SYNE1: variants seen among roughly 807,000 people sequenced by gnomAD.
SYNE1 encodes nesprin-1.
SYNE1 carries 616 observed loss-of-function variants against 1,111.0 expected under a neutral mutation model. The ratio of observed to expected loss-of-function variants is 0.55; its 90% CI spans 0.52 to 0.59. The LOEUF is 0.59. Among genes scored for constraint, SYNE1 ranks in the 20% least tolerant of loss-of-function variants. The probability of loss-of-function intolerance (pLI) is 0.00; values close to 1 mark genes in which losing one functional copy is unlikely to be tolerated. For missense variants in SYNE1, 10,006 were observed against 10,417.0 expected (o/e 0.96, Z 1.72); for synonymous variants, 3,855 against 3,825.8 (o/e 1.01, Z -0.28).
Position 152,299,083 on chromosome 6 carries a change from T to G in SYNE1, c.17682+1558A>C, listed in dbSNP as rs567068322. On this transcript the variant is annotated intron_variant, in intron 93 of 145. Transcript: ENST00000367255. ...ATGTCAAGAAATAATAATAGAAATA[T>G]TTGCATGTTTCATCATTTTTAGGGC... Among the ~76,000 whole-genome samples the G allele has an allele frequency of 9.2e-5, 14 of 152,348 alleles. No homozygotes were observed. In the East Asian group the frequency reaches 2.5e-3, roughly 27 times the overall value.
chr6:152,212,766 C>T (rs1391584024), intron 123 of SYNE1, among the ~76,000 whole-genome samples: 1 of 152,128 alleles, frequency 6.6e-6, no homozygotes, highest in African/African-American at 2.4e-5. Context: ...ATTAGGGTTC[C>T]AATTCCTTTA....
chr6:152,571,550 T>C (rs988186123), intron 3 of SYNE1, among the ~76,000 whole-genome samples: 2 of 152,166 alleles, frequency 1.3e-5, no homozygotes, highest in Middle Eastern at 3.2e-3. Flanking sequence ...TTAATTTCTA[T>C]ATGTGTATAC....
chr6:152,161,227 T>C (rs2062420814), intron 131 of SYNE1, among the ~76,000 whole-genome samples: 1 of 147,556 alleles, frequency 6.8e-6, no homozygotes, highest in African/African-American at 2.5e-5. Flanking sequence ...TATTTTTACA[T>C]TACTACATTA....
At chr6:152,392,687 T>A (rs1426286729) in intron 51 of SYNE1, among the ~76,000 whole-genome samples, 1 of 148,866 alleles carries the variant, frequency 6.7e-6, no homozygotes, top group African/African-American at 2.6e-5. Context: ...GCCCTGGAAC[T>A]TATAAAATAA....
rs1238531944 is a variant in SYNE1 at position 152,145,913 on chromosome 6, TA to T, written c.24976+2131del. 5.0e-4 allele frequency: 169 copies of T among 336,648 alleles called. 2 individuals are homozygous for T. The highest frequency in any genetic ancestry group is 3.3e-3 in the South Asian group (140 of 41,858). 20.9% of individuals were successfully genotyped at this position (336,648 alleles called of 1,614,324 possible). A position where few individuals can be genotyped will look rare whatever the true frequency, so the allele number is the denominator to read the frequency against. ...GGTGACAGGTACCTGTAATCCCAGC[TA>T]CATGGGAGTCTGAGGCAGGAGGATC... On this transcript the variant is annotated intron_variant, in intron 137 of 145. Coordinates refer to ENST00000367255, the MANE Select transcript of SYNE1 (RefSeq NM_182961.4).
At position 152,326,009 on chromosome 6, in the gene SYNE1, C is replaced by T. The variant is rs766216375; in HGVS notation, c.15387G>A (p.Leu5129=). 2 of 1,614,146 alleles carry T rather than the reference C, an allele frequency of 1.2e-6. No individual in the cohort carries two copies. Among genetic ancestry groups the T allele is most frequent in the Middle Eastern group, 1.6e-4 (1 of 6,062 alleles). The change falls in exon 80 of 146, where the codon TTG becomes TTA. Residue 5129 remains leucine (L), a synonymous_variant. Coordinates refer to ENST00000367255, the MANE Select transcript of SYNE1 (RefSeq NM_182961.4). ...CTTCATGACTAGACGAAGTCTTCAACAAAGAAAACTCAGACAATTTCTTTT... is the reference window on the plus strand; with the variant it reads ...CTTCATGACTAGACGAAGTCTTCAATAAAGAAAACTCAGACAATTTCTTTT... ...DTEKKLSEFS[L]LKTSSSHEAE... is the part of the protein sequence containing the mutation.
intron 14 of SYNE1, among the ~76,000 whole-genome samples, chr6:152,477,617 TA>T (rs1340976274): frequency 6.6e-6 from 1 of 151,940 alleles, no homozygotes; most frequent in East Asian, 1.9e-4. Context: ...TAAATTTACT[TA>T]TTTTTTATAT....
intron 36 of SYNE1, among the ~76,000 whole-genome samples, chr6:152,429,586 G>T (rs144303812): frequency 1.3e-4 from 19 of 151,980 alleles, no homozygotes. Context: ...ATTAATGTAC[G>T]GTAGTATTTC....
intron 133 of SYNE1, among the ~76,000 whole-genome samples, chr6:152,154,541 TA>T (rs1009669897): frequency 9.9e-5 from 15 of 152,022 alleles, no homozygotes; most frequent in East Asian, 1.9e-4. Context: ...TTTTATGGTT[TA>T]AAAAAATCAT....
intron 23 of SYNE1, 113 bp from the exon 24 acceptor site, chr6:152,455,703 T>A: frequency 6.9e-7 from 1 of 1,454,514 alleles, no homozygotes; most frequent in East Asian, 2.3e-5. Context: ...CATTTCATCA[T>A]CATGGGAATA....
chr6:152,364,686 G>GA (rs1554548785), intron 63 of SYNE1, among the ~76,000 whole-genome samples, 161 bp downstream of exon 63: 170 of 108,064 alleles, frequency 1.6e-3, no homozygotes, highest in African/African-American at 3.0e-3. Flanking sequence ...AAGGAGGAAG[G>GA]AGGAAGGAAG....
chr6:152,206,580 G>C (rs114526885), intron 125 of SYNE1, among the ~76,000 whole-genome samples: 147 of 152,322 alleles, frequency 9.7e-4, no homozygotes, highest in African/African-American at 3.5e-3. Context: ...GATGTAATAA[G>C]ATAACCACTC....
chr6:152,623,571 AC>A (rs1319482118), intron 3 of SYNE1, among the ~76,000 whole-genome samples: 2 of 152,184 alleles, frequency 1.3e-5, no homozygotes, highest in African/African-American at 4.8e-5. Flanking sequence ...GAAACTCATC[AC>A]AGTGAACACA....
chr6:152,139,190 T>C (rs1373920029), intron 140 of SYNE1, among the ~76,000 whole-genome samples: 2 of 152,166 alleles, frequency 1.3e-5, no homozygotes, highest in Non-Finnish European at 2.9e-5. Context: ...TAATTGGACA[T>C]TTCTTAAAAT....
rs917922270 is a variant in SYNE1 at position 152,416,744 on chromosome 6, T to C, written c.5693A>G (p.Asn1898Ser). 5.6e-6 allele frequency: 9 copies of C among 1,614,124 alleles called. No homozygotes were observed. Among genetic ancestry groups the C allele is most frequent in the Non-Finnish European group, 7.6e-6 (9 of 1,180,050 alleles). ...RQTVEATNSM[N>S]KNESDLIEKD... The stretch of plus-strand genomic sequence containing the variant: ...TTCTATCAAATCAGACTCGTTCTTA[T>C]TCATACTGTTGGTTGCTTCCACTGT... The change falls in exon 41 of 146, where the codon AAT (asparagine) becomes AGT (serine). Residue 1898 changes from asparagine (N) to serine (S), a missense_variant. Physicochemically the swap from Asn to Ser is conservative, Grantham distance 46. Transcript: ENST00000367255.
rs756300560 is a variant in SYNE1 at position 152,381,176 on chromosome 6, G to C, written c.8839C>G (p.Leu2947Val). 1.3e-4 allele frequency: 206 copies of C among 1,614,220 alleles called. No homozygotes were observed. The highest frequency in any genetic ancestry group is 4.9e-4 in the Middle Eastern group (3 of 6,062). Residue 2947 changes from leucine (L) to valine (V), a missense_variant, in exon 56 of 146, where the codon CTG becomes GTG. Physicochemically the swap from Leu to Val is conservative, Grantham distance 32 (BLOSUM62 1). This residue lies in a region of SYNE1 where 4,955 missense variants were observed against 5,017.2 expected (regional missense o/e 0.99). Coordinates refer to ENST00000367255, the MANE Select transcript of SYNE1 (RefSeq NM_182961.4). ...TCCGAAAGGGCCATCTGGCTGACCA[G>C]GTTCTCCAAACAGCTCTGCGTTTGG... ...VFQTQSCLEN[L>V]VSQMALSEQE...
rs547177663 is a variant in SYNE1 at position 152,362,885 on chromosome 6, GT to G, written c.10146-563del. 2.0e-3 allele frequency among the ~76,000 whole-genome samples: 289 copies of G among 145,636 alleles called. 1 individual carries two copies. Among genetic ancestry groups the G allele is most frequent in the African/African-American group, 6.3e-3 (253 of 39,960 alleles). Reference sequence around the variant, plus strand: ...TTCCCTTGTCTCAATACACATGCTAGTTTTTTTTTTTTAAGACAAAGTCTTG... The same window carrying G: ...TTCCCTTGTCTCAATACACATGCTAGTTTTTTTTTTTAAGACAAAGTCTTG... On this transcript the variant is annotated intron_variant, in intron 63 of 145. Transcript: ENST00000367255.
chr6:152,148,463 A>AT lies in SYNE1; in HGVS notation c.24643-86dup. ...GCCACCTGCCTACCATGTGGGGACA[A>AT]TTTTTAACTTCTTATGAGCAAATAA... is the stretch of plus-strand genomic sequence containing the variant. On this transcript the variant is annotated intron_variant, in intron 136 of 145. Coordinates refer to ENST00000367255, the MANE Select transcript of SYNE1 (RefSeq NM_182961.4). This position sits in a 1 kb window ranked among gnomAD's most constrained non-coding sequence, Gnocchi z 4.1. 8.2e-7 allele frequency: 1 copy of AT among 1,216,974 alleles called. No homozygotes were observed. Among genetic ancestry groups the AT allele is most frequent in the Non-Finnish European group, 1.2e-6 (1 of 847,962 alleles). The allele number at this position is 1,216,974 out of a possible 1,614,324, so 75.4% of individuals were successfully genotyped here.
chr6:152,179,341 A>G (rs2153168408), intron 129 of SYNE1: 1 of 152,290 alleles, frequency 6.6e-6, no homozygotes, highest in South Asian at 2.1e-4. Flanking sequence ...AATAATATGA[A>G]GCCAAAATTA....
Sources: gnomAD v4.1 joint callset for allele counts (sites outside exome capture counted in the v4.1 genomes callset) on GRCh38, gnomAD v4.1.1 for gene constraint, gnomAD v4.1.1 regional missense constraint, Gnocchi (gnomAD v3.1) non-coding constraint, MANE v1.5 for transcripts, NCBI Gene and HGNC (gene_info 2026-07-23, HGNC 2026-07-21) for gene names.